The following LRTM1 variants were observed in gnomAD, a reference collection of about 807,000 sequenced individuals.
LRTM1 encodes leucine-rich repeat and transmembrane domain-containing protein 1.
In LRTM1, 38 loss-of-function variants were observed where a neutral mutation model predicts 32.4. That is an observed-to-expected ratio of 1.17 (90% CI 0.91 to 1.54). The LOEUF is 1.54. Among genes scored for constraint, LRTM1 ranks in the 40% most tolerant of loss-of-function variants. The probability of loss-of-function intolerance (pLI) is 0.00; values close to 1 mark genes in which losing one functional copy is unlikely to be tolerated. For synonymous variants in LRTM1, 186 were observed against 169.9 expected (o/e 1.09, Z -0.74); for missense variants, 466 against 415.4 (o/e 1.12, Z -1.06).
intron 1 of LRTM1, among the ~76,000 whole-genome samples, chr3:54,963,035 A>T (rs1472241706): frequency 6.6e-6 from 1 of 152,228 alleles, no homozygotes; most frequent in East Asian, 1.9e-4. Context: ...TATGAGATGC[A>T]TGCATGATTT....
intron 1 of LRTM1, among the ~76,000 whole-genome samples, chr3:54,951,208 T>C (rs1559642513): frequency 6.6e-6 from 1 of 152,186 alleles, no homozygotes; most frequent in Non-Finnish European, 1.5e-5. Context: ...GCTAGATGCT[T>C]GTGCTGCACT....
At chr3:54,930,687 C>G (rs1430522377), upstream of LRTM1, among the ~76,000 whole-genome samples, 1 of 152,240 alleles carries the variant, frequency 6.6e-6, no homozygotes, top group Non-Finnish European at 1.5e-5. Context: ...ATCCCAGGCT[C>G]TCTGAGCATC....
chr3:54,948,877 C>G (rs1426692838), intron 1 of LRTM1, among the ~76,000 whole-genome samples: 2 of 152,120 alleles, frequency 1.3e-5, no homozygotes, highest in African/African-American at 4.8e-5. Flanking sequence ...TAAGCAAAAT[C>G]AGTAAATTAA....
At chr3:54,944,365 A>AT (rs1701554920) in intron 1 of LRTM1, among the ~76,000 whole-genome samples, 1 of 151,736 alleles carries the variant, frequency 6.6e-6, no homozygotes, top group Non-Finnish European at 1.5e-5. Flanking sequence ...TCATTTGTAT[A>AT]TTTTGACTGT....
chr3:54,961,646 G>A (rs1340880252), intron 1 of LRTM1, among the ~76,000 whole-genome samples: 1 of 152,060 alleles, frequency 6.6e-6, no homozygotes, highest in African/African-American at 2.4e-5. Flanking sequence ...GAAGTTTTGT[G>A]GGCAGGTGGC....
chr3:54,934,473 A>G (rs945800905), intron 1 of LRTM1, among the ~76,000 whole-genome samples: 4 of 152,168 alleles, frequency 2.6e-5, no homozygotes, highest in Non-Finnish European at 5.9e-5. Context: ...TATTCCGTTT[A>G]CTGCATATGA....
intron 1 of LRTM1, among the ~76,000 whole-genome samples, chr3:54,945,989 C>A (rs1243719980): frequency 6.6e-6 from 1 of 152,202 alleles, no homozygotes; most frequent in Non-Finnish European, 1.5e-5. Context: ...CACGCTTATT[C>A]GCCTAGCTCT....
chr3:54,928,193 A>G (rs1701082375), upstream of LRTM1: 5 of 465,670 alleles, frequency 1.1e-5, no homozygotes, highest in South Asian at 2.0e-4. Context: ...CCCCAGGATC[A>G]TCCCTGCCTT....
intron 1 of LRTM1, among the ~76,000 whole-genome samples, chr3:54,946,758 C>T (rs1273115091): frequency 6.6e-6 from 1 of 151,336 alleles, no homozygotes; most frequent in Admixed American, 6.6e-5. Context: ...CTTAAACACC[C>T]GAAATCATGG....
chr3:54,956,997 A>G (rs537109529), intron 1 of LRTM1, among the ~76,000 whole-genome samples: 9 of 152,274 alleles, frequency 5.9e-5, no homozygotes, highest in Non-Finnish European at 8.8e-5. Flanking sequence ...CTCTTCTCCA[A>G]TATCAAGTTT....
chr3:54,946,817 TAA>T (rs11295270), intron 1 of LRTM1, among the ~76,000 whole-genome samples: 32 of 145,552 alleles, frequency 2.2e-4, no homozygotes, highest in Non-Finnish European at 2.6e-4. Flanking sequence ...TGTGGTTTAT[TAA>T]AAAAAAAAAA....
chr3:54,942,824 A>G (rs952211074), intron 1 of LRTM1, among the ~76,000 whole-genome samples: 14 of 152,120 alleles, frequency 9.2e-5, no homozygotes, highest in African/African-American at 3.4e-4. Context: ...GGAGATTGAG[A>G]CAATCCTGGC....
intron 1 of LRTM1, among the ~76,000 whole-genome samples, chr3:54,936,906 T>C (rs967944227): frequency 9.2e-5 from 14 of 152,132 alleles, no homozygotes; most frequent in African/African-American, 3.1e-4. Context: ...GAAAATAAAC[T>C]CCGTGTATGC....
intron 1 of LRTM1, among the ~76,000 whole-genome samples, chr3:54,938,321 G>A (rs549970781): frequency 2.0e-5 from 3 of 152,290 alleles, no homozygotes; most frequent in Non-Finnish European, 2.9e-5. Flanking sequence ...GAGTGTTTAC[G>A]TCCTGCAACT....
At chr3:54,929,535 G>T (rs1289237593), upstream of LRTM1, among the ~76,000 whole-genome samples, 2 of 152,046 alleles carry the variant, frequency 1.3e-5, no homozygotes, top group Non-Finnish European at 2.9e-5. Flanking sequence ...TCATCCTTTG[G>T]CCAAGCCCCT....
intron 1 of LRTM1, among the ~76,000 whole-genome samples, chr3:54,948,244 G>GC (rs1432755603): frequency 6.6e-6 from 1 of 152,162 alleles, no homozygotes; most frequent in Non-Finnish European, 1.5e-5. Flanking sequence ...TGTGATGTGA[G>GC]CCCAAGGTCC....
chr3:54,929,389 G>C (rs886749029), upstream of LRTM1, among the ~76,000 whole-genome samples: 5 of 152,224 alleles, frequency 3.3e-5, no homozygotes, highest in African/African-American at 1.2e-4. Flanking sequence ...TGTCCTGAGG[G>C]AGGTCTTGAC....
At position 54,965,051 on chromosome 3, in the gene LRTM1, A is replaced by G. The variant is rs1207705108; in HGVS notation, c.-222+1877T>C. ...TTCAATGGCACCAACGGCAGATGTCAGAATACTTTTTCTGTAAAGGACCAA... is the reference window on the plus strand; with the variant it reads ...TTCAATGGCACCAACGGCAGATGTCGGAATACTTTTTCTGTAAAGGACCAA... On this transcript the variant is annotated intron_variant, in intron 1 of 2. Transcript: ENST00000493075. Among the ~76,000 whole-genome samples the G allele has an allele frequency of 2.0e-5, 3 of 152,162 alleles. No individual in the cohort carries two copies. In the East Asian group the frequency reaches 5.8e-4, roughly 29 times the overall value.
chr3:54,921,873 C>T (rs1700861324), intron 2 of LRTM1, among the ~76,000 whole-genome samples: 1 of 150,746 alleles, frequency 6.6e-6, no homozygotes, highest in South Asian at 2.1e-4. Context: ...GTCGGTTAGC[C>T]TGCCCTAATA....
Sources: gnomAD v4.1 joint callset for allele counts (sites outside exome capture counted in the v4.1 genomes callset) on GRCh38, gnomAD v4.1.1 for gene constraint, MANE v1.5 for transcripts, NCBI Gene and HGNC (gene_info 2026-07-23, HGNC 2026-07-21) for gene names.